Variants in PLEC observed in about 807,000 individuals in gnomAD.
The protein encoded by PLEC is hemidesmosomal protein 1.
PLEC carries 216 observed loss-of-function variants against 392.8 expected under a neutral mutation model. That is an observed-to-expected ratio of 0.55 (90% confidence interval 0.49 to 0.62). PLEC has a LOEUF of 0.62. PLEC is among the 20% of genes least tolerant of loss of function. The pLI, the probability that PLEC is intolerant of heterozygous loss-of-function variation, is 0.00. For missense variants in PLEC, 6,863 were observed against 6,563.4 expected, an observed-to-expected ratio of 1.05 and a Z score of -1.58; for synonymous variants, 3,621 against 2,980.6, an observed-to-expected ratio of 1.21 and a Z score of -7.00.
At chr8:143,942,605 G>A (rs1830708528), upstream of PLEC, 2 of 1,413,610 alleles carry the variant, frequency 1.4e-6, no homozygotes, top group Non-Finnish European at 1.9e-6. Context: ...CACGCTGCGA[G>A]GCTGCCGGCT....
intron 3 of PLEC, chr8:143,937,851 A>T: frequency 1.7e-6 from 1 of 600,434 alleles, no homozygotes; most frequent in Non-Finnish European, 3.1e-6. Context: ...AGCAGCAGAG[A>T]AACCAAAGCA....
rs1554719261 is a variant in PLEC, at chr8:143,933,292, G to C, written c.1323C>G (p.Asp441Glu). 3 of 1,612,960 alleles carry C rather than the reference G, an allele frequency of 1.9e-6. No individual in the cohort carries two copies. Among genetic ancestry groups the C allele is most frequent in the Non-Finnish European group, 2.5e-6 (3 of 1,179,970 alleles). ...VPQRAGEVER[D>E]LDKADSMIRL... is the part of the protein sequence containing the mutation. ...GGATCATGCTATCCGCCTTGTCCAA[G>C]TCCCGTTCCACCTCCCCCGCCCGCT... Residue 441 changes from aspartate (D) to glutamate (E), a missense_variant, in exon 13 of 32, where the codon GAC (aspartate) becomes GAG (glutamate). Asp to Glu is a conservative substitution (Grantham distance 45). Coordinates refer to ENST00000345136, the MANE Select transcript of PLEC (RefSeq NM_201384.3).
chr8:143,945,637 A>C (rs1375048117), intron 1 of PLEC, among the ~76,000 whole-genome samples: 2 of 152,178 alleles, frequency 1.3e-5, no homozygotes, highest in Non-Finnish European at 2.9e-5. Flanking sequence ...CCTCATACAG[A>C]CCAGGAGCCT....
chr8:143,947,138 A>C (rs1416615411), intron 1 of PLEC, among the ~76,000 whole-genome samples: 2 of 152,200 alleles, frequency 1.3e-5, no homozygotes, highest in Non-Finnish European at 1.5e-5. Flanking sequence ...CTCCACCTAG[A>C]GCACCCTGTG....
intron 1 of PLEC, among the ~76,000 whole-genome samples, chr8:143,965,786 G>T (rs1833057740): frequency 6.6e-6 from 1 of 152,196 alleles, no homozygotes; most frequent in African/African-American, 2.4e-5. Flanking sequence ...GGCCACTGAT[G>T]ATGTGTGGCT....
At position 143,924,884 on chromosome 8, in the gene PLEC, T is replaced by C; in HGVS notation, c.5045A>G (p.Gln1682Arg). 1 of 1,589,446 alleles carries C rather than the reference T, an allele frequency of 6.3e-7. No homozygotes were observed. Among genetic ancestry groups the C allele is most frequent in the Non-Finnish European group, 8.5e-7 (1 of 1,175,422 alleles). The stretch of plus-strand genomic sequence containing the variant: ...AGCCAGCTCCCGCTGCCGGACGGCC[T>C]GCTCCTCCGCCTTGCCGCGCCGCCG... Reference protein sequence around the residue: ...EARRRGKAEEQAVRQRELAEQ... With the variant: ...EARRRGKAEERAVRQRELAEQ... The change falls in exon 31 of 32, where the codon CAG becomes CGG. Residue 1682 changes from glutamine (Q) to arginine (R), a missense_variant. Coordinates refer to ENST00000345136, the MANE Select transcript of PLEC (RefSeq NM_201384.3).
chr8:143,930,764 G>A (rs1827007901), intron 19 of PLEC, among the ~76,000 whole-genome samples: 1 of 152,072 alleles, frequency 6.6e-6, no homozygotes, highest in Non-Finnish European at 1.5e-5. Context: ...TCTCACCCCA[G>A]CTCACCCACC....
Position 143,925,873 on chromosome 8 carries a change from C to T in PLEC, c.4056G>A (p.Glu1352=), listed in dbSNP as rs781942137. 4.2e-5 allele frequency: 65 copies of T among 1,544,892 alleles called. No homozygotes were observed. Among genetic ancestry groups the T allele is most frequent in the Non-Finnish European group, 5.0e-5 (58 of 1,151,652 alleles). ...RRMEEEERLA[E]QQRAEERERL... Reference sequence around the variant, plus strand: ...GCTCGCGCTCCTCTGCCCGCTGCTGCTCAGCCAGCCTCTGTGGCCACAGCA... The same window carrying T: ...GCTCGCGCTCCTCTGCCCGCTGCTGTTCAGCCAGCCTCTGTGGCCACAGCA... The change falls in exon 31 of 32, where the codon GAG becomes GAA. Residue 1352 remains glutamate, a synonymous_variant. Transcript: ENST00000345136.
upstream of PLEC, chr8:143,944,530 G>A (rs1232587626): frequency 1.5e-5 from 8 of 539,152 alleles, no homozygotes; most frequent in Non-Finnish European, 2.2e-5. Context: ...ACATGAGGCA[G>A]GCTGTGTGCA....
upstream of PLEC, among the ~76,000 whole-genome samples, chr8:143,951,791 C>T (rs1554736793): frequency 6.6e-6 from 1 of 152,156 alleles, no homozygotes; most frequent in African/African-American, 2.4e-5. Flanking sequence ...AGAAGACGGC[C>T]AGGGCCCAAG....
intron 1 of PLEC, chr8:143,946,426 G>A (rs571621549): frequency 3.3e-5 from 42 of 1,284,696 alleles, no homozygotes; most frequent in African/African-American, 1.4e-4. Flanking sequence ...TCCGAGAGCC[G>A]GCAGGGAGGA....
Position 143,929,170 on chromosome 8 carries a change from A to G in PLEC, c.3193T>C (p.Ser1065Pro), listed in dbSNP as rs782693870. The G allele has an allele frequency of 6.3e-7, 1 of 1,595,808 alleles. No homozygotes were observed. The highest frequency in any genetic ancestry group is 1.1e-5 in the South Asian group (1 of 88,644). ...EPSPAAPTLR[S>P]ELELTLGKLE... ...TTGCCCAGCGTCAGCTCCAGCTCCG[A>G]GCGCAGCGTGGGGGCCGCAGGCGAT... Residue 1065 changes from serine (S) to proline (P), a missense_variant, in exon 25 of 32, where the codon TCG (serine) becomes CCG (proline). By Grantham distance (74) the Ser-to-Pro change is moderately conservative. Coordinates refer to ENST00000345136, the MANE Select transcript of PLEC (RefSeq NM_201384.3).
At position 143,973,525 on chromosome 8, in the gene PLEC, ACT is replaced by A. The variant is rs1833543934; in HGVS notation, c.-55_-54del. ...GCGGAGCCTCCAGCACCCGGCGGCC[ACT>A]CTGTCCCCGCGGCCGCGCGCGCCGC... On this transcript the variant is annotated 5_prime_UTR_variant, in exon 1 of 32. Coordinates refer to the PLEC transcript ENST00000356346. This position sits in a 1 kb window ranked among gnomAD's most constrained non-coding sequence, Gnocchi z 5.6. 2 of 1,256,284 alleles carry A rather than the reference ACT, an allele frequency of 1.6e-6. No individual in the cohort carries two copies. The highest frequency in any genetic ancestry group is 2.0e-6 in the Non-Finnish European group (2 of 991,336). 77.8% of individuals were successfully genotyped at this position (1,256,284 alleles called of 1,614,324 possible).
At position 143,934,064 on chromosome 8, in the gene PLEC, G is replaced by A; in HGVS notation, c.1197C>T (p.Thr399=). Residue 399 remains threonine, a synonymous_variant, in exon 12 of 32, where the codon ACC becomes ACT. Coordinates refer to ENST00000345136, the MANE Select transcript of PLEC (RefSeq NM_201384.3). The part of the protein sequence containing the change: ...ERLECLQRIV[T]KLQMEAGLCE... ...ACAGCCCCGCCTCCATCTGCAGCTT[G>A]GTCACGATGCGCTGAAGACACTCCA... 2 of 1,611,820 alleles carry A rather than the reference G, an allele frequency of 1.2e-6. No homozygotes were observed. The highest frequency in any genetic ancestry group is 1.7e-6 in the Non-Finnish European group (2 of 1,179,576).
At position 143,934,457 on chromosome 8, in the gene PLEC, G is replaced by A. The variant is rs1026440180; in HGVS notation, c.1042-12C>T. ...GCTTGCACCGCTCCCTGTAGACAGGGGCCACACTCAGGCCCTATAGGCAGG... is the reference window on the plus strand; with the variant it reads ...GCTTGCACCGCTCCCTGTAGACAGGAGCCACACTCAGGCCCTATAGGCAGG... On this transcript the variant is annotated splice_polypyrimidine_tract_variant and intron_variant, in intron 10 of 31. Coordinates refer to ENST00000345136, the MANE Select transcript of PLEC (RefSeq NM_201384.3). 1.9e-6 allele frequency: 3 copies of A among 1,610,570 alleles called. No individual in the cohort carries two copies. The highest frequency in any genetic ancestry group is 3.3e-4 in the Middle Eastern group (2 of 6,048).
At chr8:143,948,272 G>A (rs1304714276) in intron 1 of PLEC, among the ~76,000 whole-genome samples, 1 of 152,242 alleles carries the variant, frequency 6.6e-6, no homozygotes, top group Non-Finnish European at 1.5e-5. Context: ...CAGCACAGTT[G>A]GCCCACGAGC....
chr8:143,958,266 G>A (rs782299075), upstream of PLEC, among the ~76,000 whole-genome samples: 4 of 152,114 alleles, frequency 2.6e-5, no homozygotes, highest in African/African-American at 9.7e-5. The surrounding 1 kb of genome is among the most constrained non-coding windows in gnomAD (Gnocchi z 4.9). Context: ...TTTCTGGGGT[G>A]GAGGGCCACC....
chr8:143,924,550 G>A lies in PLEC; in HGVS notation c.5379C>T (p.Ala1793=), dbSNP rs1174740573. The A allele has an allele frequency of 2.4e-5, 37 of 1,541,890 alleles. No homozygotes were observed. The highest frequency in any genetic ancestry group is 1.7e-4 in the Middle Eastern group (1 of 5,874). The change falls in exon 31 of 32, where the codon GCC becomes GCT. Residue 1793 remains alanine (A), a synonymous_variant. Transcript: ENST00000345136. ...CCTCGGCCAGCTCGCGGAACCGGCCGGCCTCGGCCTCCAGCCTCTGCTTGG... is the reference window on the plus strand; with the variant it reads ...CCTCGGCCAGCTCGCGGAACCGGCCAGCCTCGGCCTCCAGCCTCTGCTTGG... ...EKSKQRLEAE[A]GRFRELAEEA...
intron 1 of PLEC, 120 bp downstream of exon 1, chr8:143,939,230 A>AC: frequency 7.4e-7 from 1 of 1,355,610 alleles, no homozygotes. Flanking sequence ...CTGGCCCCCG[A>AC]CCCCCATCTC....
Sources: gnomAD v4.1 joint callset for allele counts (sites outside exome capture counted in the v4.1 genomes callset) on GRCh38, gnomAD v4.1.1 for gene constraint, Gnocchi (gnomAD v3.1) non-coding constraint, MANE v1.5 for transcripts, NCBI Gene and HGNC (gene_info 2026-07-23, HGNC 2026-07-21) for gene names.